BCKDHB: variants seen among roughly 807,000 people sequenced by gnomAD.
BCKDHB encodes the protein 2-oxoisovalerate dehydrogenase subunit beta, mitochondrial.
Under a neutral mutation model 48.5 loss-of-function variants are expected in BCKDHB, and 41 were observed. The ratio of observed to expected loss-of-function variants is 0.85; its 90% CI spans 0.66 to 1.10. The LOEUF (loss-of-function observed/expected upper bound fraction) is 1.10. Among genes scored for constraint, BCKDHB ranks in the 50% least tolerant of loss-of-function variants. The pLI, the probability that BCKDHB is intolerant of heterozygous loss-of-function variation, is 0.00. For synonymous variants in BCKDHB, 201 were observed against 174.8 expected, an observed-to-expected ratio of 1.15 and a Z score of -1.18; for missense variants, 496 against 494.2, an observed-to-expected ratio of 1.00 and a Z score of -0.03.
the BCKDHB span, among the ~76,000 whole-genome samples, chr6:80,385,386 T>C: frequency 6.6e-6 from 1 of 152,172 alleles, no homozygotes; most frequent in Non-Finnish European, 1.5e-5. Context: ...AGAGCACTGA[T>C]TGGAAAATAA....
the BCKDHB span, among the ~76,000 whole-genome samples, chr6:80,370,284 C>A: frequency 6.6e-6 from 1 of 152,070 alleles, no homozygotes; most frequent in Admixed American, 6.6e-5. Context: ...TCTTTCTCTT[C>A]GGAAAAATAA....
chr6:80,276,661 T>A (rs1413885587), intron 9 of BCKDHB, among the ~76,000 whole-genome samples: 1 of 151,836 alleles, frequency 6.6e-6, no homozygotes, highest in African/African-American at 2.4e-5. Context: ...ACATCTTAGG[T>A]TTGTTTCATT....
intron 6 of BCKDHB, 104 bp downstream of exon 6, chr6:80,171,494 T>G (rs575942712): frequency 2.4e-4 from 165 of 692,602 alleles, no homozygotes; most frequent in Non-Finnish European, 3.7e-4. Context: ...ATTTATATTT[T>G]CCTTGTAGAA....
chr6:80,424,582 T>C, the BCKDHB span, among the ~76,000 whole-genome samples: 2 of 152,196 alleles, frequency 1.3e-5, no homozygotes, highest in African/African-American at 4.8e-5. Flanking sequence ...GCGTTAATGT[T>C]TATTTTTAAT....
At chr6:80,307,599 G>T in intron 9 of BCKDHB, 2 of 983,908 alleles carry the variant, frequency 2.0e-6, no homozygotes, top group African/African-American at 3.5e-5. Flanking sequence ...TAACAAGATC[G>T]TCAACAGAAA....
intron 1 of BCKDHB, among the ~76,000 whole-genome samples, chr6:80,116,798 A>G (rs1156298922): frequency 6.6e-6 from 1 of 152,226 alleles, no homozygotes; most frequent in Non-Finnish European, 1.5e-5. Context: ...ATTTATTAGT[A>G]CTGTGTGATT....
At chr6:80,140,698 C>T (rs1019430349) in intron 3 of BCKDHB, among the ~76,000 whole-genome samples, 15 of 152,126 alleles carry the variant, frequency 9.9e-5, no homozygotes, top group African/African-American at 2.9e-4. Context: ...CTGCTGGATT[C>T]GGTTTGTCAG....
At chr6:80,403,226 T>C in the BCKDHB span, among the ~76,000 whole-genome samples, 1 of 151,882 alleles carries the variant, frequency 6.6e-6, no homozygotes, top group East Asian at 1.9e-4. Flanking sequence ...TCTTCCAATC[T>C]ATGAACGTGG....
chr6:80,377,270 A>G, the BCKDHB span, among the ~76,000 whole-genome samples: 1 of 151,968 alleles, frequency 6.6e-6, no homozygotes, highest in African/African-American at 2.4e-5. Context: ...TCGAACTCCC[A>G]AATTCAAGTG....
chr6:80,179,998 C>CT (rs1319492481), intron 6 of BCKDHB, among the ~76,000 whole-genome samples: 9 of 152,158 alleles, frequency 5.9e-5, no homozygotes, highest in African/African-American at 2.2e-4. Flanking sequence ...CCTGATCTCT[C>CT]TGACTCCATC....
At chr6:80,289,876 G>A (rs987574153) in intron 9 of BCKDHB, among the ~76,000 whole-genome samples, 19 of 152,162 alleles carry the variant, frequency 1.2e-4, no homozygotes, top group African/African-American at 4.6e-4. Context: ...ATCCCTTTCT[G>A]GGAGGTGTGG....
chr6:80,357,669 A>G, the BCKDHB span, among the ~76,000 whole-genome samples: 5 of 152,300 alleles, frequency 3.3e-5, no homozygotes, highest in East Asian at 1.9e-4. Context: ...TAATTGTGCT[A>G]CGTTTTCCTG....
intron 8 of BCKDHB, 92 bp from the exon 9 acceptor site, chr6:80,273,043 A>G (rs1196117225): frequency 1.1e-6 from 1 of 930,788 alleles, no homozygotes; most frequent in Admixed American, 2.0e-5. Context: ...TATTGAATGT[A>G]TATAATTTAC....
chr6:80,172,596 G>T (rs1480983726), intron 6 of BCKDHB, among the ~76,000 whole-genome samples: 3 of 152,066 alleles, frequency 2.0e-5, no homozygotes, highest in Non-Finnish European at 4.4e-5. Flanking sequence ...TCTGGAGCCA[G>T]CCTGCCAATA....
At chr6:80,414,917 A>G in the BCKDHB span, among the ~76,000 whole-genome samples, 1 of 151,976 alleles carries the variant, frequency 6.6e-6, no homozygotes, top group Non-Finnish European at 1.5e-5. Context: ...GGTTTGTGTC[A>G]TTCCTGATTT....
the BCKDHB span, among the ~76,000 whole-genome samples, chr6:80,382,598 T>C: frequency 6.6e-6 from 1 of 152,124 alleles, no homozygotes; most frequent in African/African-American, 2.4e-5. Context: ...ATAACTACCC[T>C]AATGTTTATT....
At chr6:80,408,761 G>A in the BCKDHB span, among the ~76,000 whole-genome samples, 3 of 147,296 alleles carry the variant, frequency 2.0e-5, no homozygotes, top group Admixed American at 1.3e-4. Context: ...TTCTTTATTA[G>A]TGTTGCTAGC....
intron 9 of BCKDHB, among the ~76,000 whole-genome samples, chr6:80,333,373 T>C (rs1353058119): frequency 6.6e-6 from 1 of 152,234 alleles, no homozygotes; most frequent in Admixed American, 6.6e-5. Context: ...TTTTTATTTA[T>C]GATTAAATAA....
chr6:80,392,353 T>C, the BCKDHB span, among the ~76,000 whole-genome samples: 7 of 150,220 alleles, frequency 4.7e-5, no homozygotes, highest in African/African-American at 1.8e-4. Flanking sequence ...TTTGTTCTAT[T>C]AGGGCTGTAT....
Sources: gnomAD v4.1 joint callset for allele counts (sites outside exome capture counted in the v4.1 genomes callset) on GRCh38, gnomAD v4.1.1 for gene constraint, MANE v1.5 for transcripts, NCBI Gene and HGNC (gene_info 2026-07-23, HGNC 2026-07-21) for gene names.